Variants in IFI44 observed in about 807,000 individuals in gnomAD.
IFI44 encodes interferon induced protein 44, also known as interferon-induced protein 44.
In IFI44, 42 loss-of-function variants were observed where a neutral mutation model predicts 45.0. That is an observed-to-expected ratio of 0.93 (90% CI 0.73 to 1.21). The LOEUF (loss-of-function observed/expected upper bound fraction) is 1.21, where lower values mean the gene tolerates loss of function less well. Among genes scored for constraint, IFI44 ranks in the 50% most tolerant of loss-of-function variants. The pLI, the probability that IFI44 is intolerant of heterozygous loss-of-function variation, is 0.00. For synonymous variants in IFI44, 221 were observed against 188.6 expected (o/e 1.17, Z -1.41); for missense variants, 623 against 525.8 (o/e 1.18, Z -1.81).
intron 2 of IFI44, among the ~76,000 whole-genome samples, chr1:78,652,755 C>T (rs964883440): frequency 1.3e-5 from 2 of 152,174 alleles, no homozygotes; most frequent in Non-Finnish European, 2.9e-5. Flanking sequence ...GGGGCTATTA[C>T]AAATAATACT....
chr1:78,657,631 C>G (rs1038241839), intron 5 of IFI44, among the ~76,000 whole-genome samples: 1 of 152,104 alleles, frequency 6.6e-6, no homozygotes, highest in African/African-American at 2.4e-5. Flanking sequence ...TGAAAGGAAG[C>G]TTACCCTCAT....
rs767078298 is a variant in IFI44, at chr1:78,650,363, T to C, written c.168T>C (p.Ser56=). The change falls in exon 2 of 9, where the codon AGT becomes AGC. Residue 56 remains serine, a synonymous_variant. Transcript: ENST00000370747. The part of the protein sequence containing the change: ...NQGPTLTVIY[S]EDHIIGAYAE... ...GGCCTACTCTAACAGTGATTTATAG[T>C]GAAGATCATATTATTGGAGCATATG... is the stretch of plus-strand genomic sequence containing the variant. 6.2e-7 allele frequency: 1 copy of C among 1,614,092 alleles called. No homozygotes were observed. The highest frequency in any genetic ancestry group is 8.5e-7 in the Non-Finnish European group (1 of 1,179,992).
At chr1:78,663,527 T>G (rs1366404551) in intron 8 of IFI44, 45 of 984,986 alleles carry the variant, frequency 4.6e-5, no homozygotes, top group Non-Finnish European at 5.4e-5. Context: ...GGGAAATCAA[T>G]TCAGAATATC....
At chr1:78,651,872 C>A (rs765818555) in intron 2 of IFI44, among the ~76,000 whole-genome samples, 7 of 152,008 alleles carry the variant, frequency 4.6e-5, no homozygotes, top group Non-Finnish European at 8.8e-5. Flanking sequence ...AAGATAGAGG[C>A]AAGCAGAAAC....
chr1:78,660,890 T>C (rs989426171), intron 7 of IFI44: 1 of 490,344 alleles, frequency 2.0e-6, no homozygotes, highest in Non-Finnish European at 3.7e-6. Flanking sequence ...CTTAATGGCA[T>C]AGTATTTGTA....
chr1:78,663,377 T>C (rs1330596357), intron 8 of IFI44: 1 of 985,238 alleles, frequency 1.0e-6, no homozygotes, highest in Non-Finnish European at 1.2e-6. Context: ...TAGAGGTATG[T>C]CCTTTTATGT....
At chr1:78,663,017 C>T in intron 8 of IFI44, 139 bp downstream of exon 8, 2 of 1,520,804 alleles carry the variant, frequency 1.3e-6, no homozygotes, top group Non-Finnish European at 1.8e-6. Context: ...TTAACCCACT[C>T]CCTGGATGCA....
At chr1:78,651,569 G>A (rs2100431228) in intron 2 of IFI44, among the ~76,000 whole-genome samples, 1 of 152,274 alleles carries the variant, frequency 6.6e-6, no homozygotes, top group African/African-American at 2.4e-5. Context: ...ACGGCTCCGT[G>A]GTCCCGGGAG....
Position 78,662,954 on chromosome 1 carries a change from C to T in IFI44, c.1288+76C>T, listed in dbSNP as rs1557707546. ...CTTTCTGCTTGGATCTATTAAATACCTGGCAGCTCTCTGTCTTTTTGTGGG... is the reference window on the plus strand; with the variant it reads ...CTTTCTGCTTGGATCTATTAAATACTTGGCAGCTCTCTGTCTTTTTGTGGG... On this transcript the variant is annotated intron_variant, in intron 8 of 8. Transcript: ENST00000370747. 3.1e-6 allele frequency: 5 copies of T among 1,609,284 alleles called. No individual in the cohort carries two copies. The South Asian group carries it at 3.3e-5, about 11-fold the overall frequency.
At chr1:78,654,876 C>A (rs535980391) in intron 3 of IFI44, 138 bp from the exon 4 acceptor site, 3 of 587,106 alleles carry the variant, frequency 5.1e-6, no homozygotes, top group Admixed American at 7.5e-5. Context: ...CAGGTAGGTT[C>A]GTCTCATGTC....
intron 5 of IFI44, among the ~76,000 whole-genome samples, chr1:78,656,062 G>A (rs147274421): frequency 4.3e-4 from 65 of 152,230 alleles, no homozygotes; most frequent in African/African-American, 1.5e-3. Context: ...AAGCCTGAAG[G>A]TGACTCTCTA....
rs1570409063 is a variant in IFI44, at chr1:78,664,004, A to G, written c.*193A>G. The stretch of plus-strand genomic sequence containing the variant: ...AACATGATTTAGTCATAATTGTGAA[A>G]AATAATAATAATTTTTCTTGGATTT... On this transcript the variant is annotated 3_prime_UTR_variant, in exon 9 of 9. Coordinates refer to ENST00000370747, the MANE Select transcript of IFI44 (RefSeq NM_006417.5). The G allele has an allele frequency of 2.4e-6, 1 of 411,370 alleles. No individual in the cohort carries two copies. The highest frequency in any genetic ancestry group is 3.7e-5 in the East Asian group (1 of 26,860). The allele number at this position is 411,370 out of a possible 1,614,324, so 25.5% of individuals were successfully genotyped here.
rs1647621415 is a variant in IFI44, at chr1:78,663,972, T to G, written c.*161T>G. 2.2e-6 allele frequency: 1 copy of G among 457,850 alleles called. No individual in the cohort carries two copies. The highest frequency in any genetic ancestry group is 2.0e-5 in the African/African-American group (1 of 49,634). 28.4% of individuals were successfully genotyped at this position (457,850 alleles called of 1,614,324 possible). A position where few individuals can be genotyped will look rare whatever the true frequency, so the allele number is the denominator to read the frequency against. Reference sequence around the variant, plus strand: ...GAACATTGTAGTACTTGTAAATAACTAGAAATAACATGATTTAGTCATAAT... The same window carrying G: ...GAACATTGTAGTACTTGTAAATAACGAGAAATAACATGATTTAGTCATAAT... On this transcript the variant is annotated 3_prime_UTR_variant, in exon 9 of 9. Transcript: ENST00000370747.
At chr1:78,657,379 G>C (rs964924950) in intron 5 of IFI44, among the ~76,000 whole-genome samples, 1 of 151,838 alleles carries the variant, frequency 6.6e-6, no homozygotes, top group Non-Finnish European at 1.5e-5. Context: ...TGCATCCCTC[G>C]GGGTAGTTTT....
At position 78,662,807 on chromosome 1, in the gene IFI44, T is replaced by C. The variant is rs34161925; in HGVS notation, c.1217T>C (p.Ile406Thr). 6 of 1,613,878 alleles carry C rather than the reference T, an allele frequency of 3.7e-6. No homozygotes were observed. The highest frequency in any genetic ancestry group is 5.1e-6 in the Non-Finnish European group (6 of 1,179,924). The stretch of plus-strand genomic sequence containing the variant: ...CTGGACCCTGTAAAGGATGTTCTAA[T>C]TCTTTCTGCTCTGAGACGAATGCTA... ...WELDPVKDVL[I>T]LSALRRMLWA... Residue 406 changes from isoleucine (I) to threonine (T), a missense_variant, in exon 8 of 9, where the codon ATT becomes ACT. Transcript: ENST00000370747.
At chr1:78,654,304 AT>A in intron 3 of IFI44, 25 bp downstream of exon 3, 1 of 1,243,910 alleles carries the variant, frequency 8.0e-7, no homozygotes, top group Non-Finnish European at 1.2e-6. Flanking sequence ...TTAAGATTCT[AT>A]TACTCTCTTC....
intron 1 of IFI44, 91 bp from the exon 2 acceptor site, chr1:78,650,095 A>C (rs143426079): frequency 1.8e-4 from 133 of 749,788 alleles, no homozygotes; most frequent in Non-Finnish European, 2.5e-4. Flanking sequence ...TGTATTATGT[A>C]GAGTATATAA....
At chr1:78,653,827 C>G (rs1647161395) in intron 2 of IFI44, among the ~76,000 whole-genome samples, 1 of 152,244 alleles carries the variant, frequency 6.6e-6, no homozygotes, top group African/African-American at 2.4e-5. Flanking sequence ...CACATTATTC[C>G]TCTCAGACTT....
At chr1:78,661,255 G>A (rs1188253556) in intron 7 of IFI44, among the ~76,000 whole-genome samples, 2 of 151,990 alleles carry the variant, frequency 1.3e-5, no homozygotes, top group Non-Finnish European at 2.9e-5. Flanking sequence ...GTAGAGATTA[G>A]GTTTCACCAT....
Sources: allele counts gnomAD v4.1 joint callset (sites outside exome capture counted in the v4.1 genomes callset), GRCh38; gene constraint gnomAD v4.1.1; transcripts MANE v1.5; gene names NCBI Gene and HGNC (gene_info 2026-07-23, HGNC 2026-07-21).